Variants in EPHB1 observed in about 807,000 individuals in gnomAD.
EPHB1 encodes ephrin type-B receptor 1.
A neutral mutation model predicts 94.4 loss-of-function variants in EPHB1; 30 were observed. The observed-to-expected ratio is 0.32, with a 90% CI of 0.24 to 0.43. The LOEUF (loss-of-function observed/expected upper bound fraction) is 0.43. EPHB1 is among the 20% of genes least tolerant of loss of function. EPHB1 has a pLI of 1.00. For synonymous variants in EPHB1, 522 were observed against 489.1 expected (o/e 1.07, Z -0.89); for missense variants, 1,055 against 1,308.3 (o/e 0.81, Z 2.99).
intron 12 of EPHB1, among the ~76,000 whole-genome samples, chr3:135,208,948 T>C (rs1401102361): frequency 6.6e-6 from 1 of 152,150 alleles, no homozygotes; most frequent in Non-Finnish European, 1.5e-5. Flanking sequence ...CAACACATCT[T>C]TTTTTTGTGC....
intron 3 of EPHB1, among the ~76,000 whole-genome samples, chr3:135,100,419 A>G (rs531294236): frequency 2.0e-5 from 3 of 152,332 alleles, no homozygotes; most frequent in African/African-American, 7.2e-5. Flanking sequence ...GCTGAGTGAC[A>G]GGTTAAAGGG....
chr3:135,127,472 G>C (rs1008224934), intron 4 of EPHB1, among the ~76,000 whole-genome samples: 1 of 152,136 alleles, frequency 6.6e-6, no homozygotes, highest in African/African-American at 2.4e-5. Flanking sequence ...AGGGATCCCA[G>C]GACACAGACC....
intron 3 of EPHB1, among the ~76,000 whole-genome samples, chr3:135,049,678 C>G (rs1375751754): frequency 6.6e-6 from 1 of 152,122 alleles, no homozygotes; most frequent in Non-Finnish European, 1.5e-5. Flanking sequence ...AGGCATAGAC[C>G]CCACTTCTGG....
intron 1 of EPHB1, among the ~76,000 whole-genome samples, chr3:134,873,888 C>A (rs761031335): frequency 1.3e-5 from 2 of 152,136 alleles, no homozygotes; most frequent in Non-Finnish European, 2.9e-5. Flanking sequence ...GTGGAGTAAT[C>A]CTATTGTGAG....
intron 2 of EPHB1, among the ~76,000 whole-genome samples, chr3:134,926,662 A>G (rs2038797993): frequency 6.6e-6 from 1 of 152,152 alleles, no homozygotes; most frequent in Non-Finnish European, 1.5e-5. Flanking sequence ...GCTGGAGGGT[A>G]AGTTGGAACC....
At chr3:135,256,972 T>C (rs1453526781) in intron 15 of EPHB1, among the ~76,000 whole-genome samples, 1 of 143,396 alleles carries the variant, frequency 7.0e-6, no homozygotes, top group African/African-American at 2.7e-5. Context: ...TCATTTCATC[T>C]TCCATTGCTG....
chr3:135,166,017 G>T lies in EPHB1; in HGVS notation c.1635G>T (p.Ser545=). 1 of 1,613,926 alleles carries T rather than the reference G, an allele frequency of 6.2e-7. No individual in the cohort carries two copies. The highest frequency in any genetic ancestry group is 8.5e-7 in the Non-Finnish European group (1 of 1,179,864). The part of the protein sequence containing the change: ...LREQLPLIAG[S]AAAGVVFVVS... The stretch of plus-strand genomic sequence containing the variant: ...AGCAGCTGCCCCTGATTGCTGGCTC[G>T]GCAGCGGCCGGGGTCGTGTTCGTTG... The change falls in exon 8 of 16, where the codon TCG becomes TCT. Residue 545 remains serine, a synonymous_variant. Transcript: ENST00000398015.
chr3:135,118,741 G>C (rs537446383), intron 4 of EPHB1, among the ~76,000 whole-genome samples: 2 of 152,326 alleles, frequency 1.3e-5, no homozygotes, highest in South Asian at 4.1e-4. Flanking sequence ...GGTGTCTTCT[G>C]TGAGACTTGA....
At chr3:134,989,125 G>A (rs769129412) in intron 3 of EPHB1, among the ~76,000 whole-genome samples, 4 of 152,176 alleles carry the variant, frequency 2.6e-5, no homozygotes, top group Admixed American at 6.5e-5. Flanking sequence ...CAAACTTCCC[G>A]CTTACTGTGT....
chr3:134,848,569 T>C (rs542584759), intron 1 of EPHB1, among the ~76,000 whole-genome samples: 1 of 152,364 alleles, frequency 6.6e-6, no homozygotes, highest in East Asian at 1.9e-4. Flanking sequence ...ACTTCATTCA[T>C]CGCAAGCATT....
intron 3 of EPHB1, among the ~76,000 whole-genome samples, chr3:135,003,104 A>G (rs1306452040): frequency 6.6e-6 from 1 of 151,844 alleles, no homozygotes; most frequent in East Asian, 1.9e-4. Flanking sequence ...TTAGTGCTAT[A>G]AATTTCCCTC....
Position 135,059,048 on chromosome 3 carries a change from A to G in EPHB1, c.806-47400A>G, listed in dbSNP as rs562019184. Among the ~76,000 whole-genome samples, 5 of 152,044 alleles carry G rather than the reference A, an allele frequency of 3.3e-5. No individual in the cohort carries two copies. In the East Asian group the frequency reaches 9.6e-4, roughly 29 times the overall value. ...CAAGCTTGTGAAAATCAAGTGTGAC[A>G]GATATTATCAAATAAATCATATCAG... On this transcript the variant is annotated intron_variant, in intron 3 of 15. Transcript: ENST00000398015.
chr3:134,879,100 T>C (rs749483073), intron 1 of EPHB1, among the ~76,000 whole-genome samples: 16 of 152,172 alleles, frequency 1.1e-4, no homozygotes, highest in Non-Finnish European at 1.6e-4. Context: ...TAGTGGTGCC[T>C]GACTCCCTTC....
intron 10 of EPHB1, among the ~76,000 whole-genome samples, chr3:135,182,503 C>T (rs1350422223): frequency 6.6e-6 from 1 of 152,076 alleles, no homozygotes; most frequent in East Asian, 1.9e-4. Context: ...AGAGGTCTGA[C>T]AGATTTAGTG....
Position 135,106,619 on chromosome 3 carries a change from T to C in EPHB1, c.961+16T>C, listed in dbSNP as rs773090930. On this transcript the variant is annotated intron_variant, in intron 4 of 15. Transcript: ENST00000398015. ...GCATGCACTAGTAAGTGTCTAGTAA[T>C]GGCTCTGGGCTGGGGAGTTTGGTTC... The C allele has an allele frequency of 1.2e-6, 2 of 1,613,780 alleles. No individual in the cohort carries two copies. The highest frequency in any genetic ancestry group is 8.5e-7 in the Non-Finnish European group (1 of 1,179,696).
rs1054605627 is a variant in EPHB1, at chr3:135,151,419, T to C, written c.1298-2733T>C. 3.9e-5 allele frequency among the ~76,000 whole-genome samples: 6 copies of C among 152,172 alleles called. No individual in the cohort carries two copies. The South Asian group carries it at 1.2e-3, about 32-fold the overall frequency. ...CCCTCCCTTCCCTCCTTCAACCCTGTGCTCCTGCATCTGCTTCTCAGGCAG... is the reference window on the plus strand; with the variant it reads ...CCCTCCCTTCCCTCCTTCAACCCTGCGCTCCTGCATCTGCTTCTCAGGCAG... On this transcript the variant is annotated intron_variant, in intron 5 of 15. Transcript: ENST00000398015.
At chr3:135,125,244 A>G (rs930213102) in intron 4 of EPHB1, among the ~76,000 whole-genome samples, 18 of 151,410 alleles carry the variant, frequency 1.2e-4, no homozygotes, top group African/African-American at 4.2e-4. Context: ...TCCCTCCCCT[A>G]TGGTAAAACA....
chr3:134,893,290 T>G (rs1224466699), intron 1 of EPHB1, among the ~76,000 whole-genome samples: 1 of 152,216 alleles, frequency 6.6e-6, no homozygotes, highest in Non-Finnish European at 1.5e-5. Flanking sequence ...CTATGTTAAC[T>G]GAAATGAGGA....
chr3:135,251,607 TAATAA>T (rs1455379402), intron 15 of EPHB1, among the ~76,000 whole-genome samples: 3 of 152,226 alleles, frequency 2.0e-5, no homozygotes, highest in Non-Finnish European at 4.4e-5. Context: ...CTGAGCAACT[TAATAA>T]AATAGATTGT....
Sources: gnomAD v4.1 joint callset for allele counts (sites outside exome capture counted in the v4.1 genomes callset) on GRCh38, gnomAD v4.1.1 for gene constraint, MANE v1.5 for transcripts, NCBI Gene and HGNC (gene_info 2026-07-23, HGNC 2026-07-21) for gene names.